Variants in STXBP5L observed in about 807,000 individuals in gnomAD.
STXBP5L encodes the protein syntaxin-binding protein 5-like.
STXBP5L carries 65 observed loss-of-function variants against 144.5 expected under a neutral mutation model. That is an observed-to-expected ratio of 0.45 (90% confidence interval 0.37 to 0.55). STXBP5L has a LOEUF of 0.55. Ranked by LOEUF, STXBP5L falls within the 20% of genes least tolerant of loss-of-function variation. The probability of loss-of-function intolerance (pLI) is 0.00; values close to 1 mark genes in which losing one functional copy is unlikely to be tolerated. For missense variants in STXBP5L, 1,298 were observed against 1,405.5 expected, an observed-to-expected ratio of 0.92 and a Z score of 1.22; for synonymous variants, 505 against 469.6, an observed-to-expected ratio of 1.08 and a Z score of -0.97.
intron 19 of STXBP5L, among the ~76,000 whole-genome samples, chr3:121,290,516 G>A (rs338996): frequency 0.79 from 119,642 of 152,052 alleles, 47,292 homozygotes; most frequent in East Asian, 0.93. Flanking sequence ...AACTATTCCA[G>A]AAGATAGAGA....
chr3:121,086,812 A>G (rs1481968615), intron 5 of STXBP5L, among the ~76,000 whole-genome samples: 1 of 152,084 alleles, frequency 6.6e-6, no homozygotes, highest in Non-Finnish European at 1.5e-5. Flanking sequence ...CATGTAATCT[A>G]TCTGTATAAA....
chr3:121,340,304 T>C (rs2044661026), intron 20 of STXBP5L, among the ~76,000 whole-genome samples: 1 of 152,052 alleles, frequency 6.6e-6, no homozygotes, highest in Admixed American at 6.6e-5. Flanking sequence ...GGAATATTAT[T>C]TTTTTCAAGG....
At chr3:120,979,681 G>A (rs1481552756) in intron 3 of STXBP5L, among the ~76,000 whole-genome samples, 1 of 152,100 alleles carries the variant, frequency 6.6e-6, no homozygotes. Context: ...TTCATATTTG[G>A]CCATCTTGAC....
chr3:121,070,125 T>C (rs1408420658), intron 5 of STXBP5L, among the ~76,000 whole-genome samples: 2 of 152,254 alleles, frequency 1.3e-5, no homozygotes, highest in Non-Finnish European at 2.9e-5. Flanking sequence ...GATCACCGGC[T>C]CAGCCGGACA....
At chr3:121,056,946 AT>A (rs1948502982) in intron 5 of STXBP5L, among the ~76,000 whole-genome samples, 2 of 150,752 alleles carry the variant, frequency 1.3e-5, no homozygotes, top group African/African-American at 4.8e-5. Context: ...TCTTTATAAT[AT>A]ATTATAAAGA....
chr3:121,081,313 T>C lies in STXBP5L; in HGVS notation c.471-33612T>C, dbSNP rs545335670. Among the ~76,000 whole-genome samples, 17 of 152,330 alleles carry C rather than the reference T, an allele frequency of 1.1e-4. No individual in the cohort carries two copies. In the South Asian group the frequency reaches 3.5e-3, roughly 32 times the overall value. The stretch of plus-strand genomic sequence containing the variant: ...TACCTTCCTCTGGTATTTCCTTGGG[T>C]AAACTATTTCTTCAAATTGTTCTTG... On this transcript the variant is annotated intron_variant, in intron 5 of 26. Coordinates refer to ENST00000471454, the MANE Select transcript of STXBP5L (RefSeq NM_001308330.2).
intron 3 of STXBP5L, among the ~76,000 whole-genome samples, chr3:120,974,149 G>A (rs1348139591): frequency 6.6e-6 from 1 of 152,102 alleles, no homozygotes; most frequent in East Asian, 1.9e-4. Context: ...CTAGTTTACA[G>A]TCCCACCAAC....
At chr3:121,319,227 A>G (rs1257971159) in intron 20 of STXBP5L, among the ~76,000 whole-genome samples, 1 of 152,146 alleles carries the variant, frequency 6.6e-6, no homozygotes, top group Non-Finnish European at 1.5e-5. Context: ...TTTAAACACC[A>G]AAATCATTAG....
At chr3:121,066,362 GTATA>G (rs35546907) in intron 5 of STXBP5L, among the ~76,000 whole-genome samples, 166 of 146,128 alleles carry the variant, frequency 1.1e-3, no homozygotes, top group African/African-American at 3.5e-3. Context: ...TCCTATAAGC[GTATA>G]TATATATATA....
At chr3:121,377,128 G>C (rs1198605333) in intron 20 of STXBP5L, among the ~76,000 whole-genome samples, 1 of 152,124 alleles carries the variant, frequency 6.6e-6, no homozygotes, top group Non-Finnish European at 1.5e-5. Flanking sequence ...GAGATTTTGG[G>C]CTGAGACCAT....
intron 20 of STXBP5L, among the ~76,000 whole-genome samples, chr3:121,356,163 G>T (rs993079118): frequency 6.6e-6 from 1 of 152,252 alleles, no homozygotes; most frequent in Non-Finnish European, 1.5e-5. Context: ...ACACACTTAG[G>T]AGGCAGCCTG....
chr3:121,331,105 G>A (rs2044307858), intron 20 of STXBP5L, among the ~76,000 whole-genome samples: 1 of 152,192 alleles, frequency 6.6e-6, no homozygotes, highest in South Asian at 2.1e-4. Flanking sequence ...TAGGGGAAGA[G>A]GGAGTGCACA....
chr3:121,090,738 C>G (rs2042739028), intron 5 of STXBP5L, among the ~76,000 whole-genome samples: 1 of 151,550 alleles, frequency 6.6e-6, no homozygotes, highest in Admixed American at 6.6e-5. Flanking sequence ...TTCATGGGGA[C>G]ACAATTAGTG....
Position 121,267,211 on chromosome 3 carries a change from A to G in STXBP5L, c.1958+8043A>G, listed in dbSNP as rs573304070. Among the ~76,000 whole-genome samples, 35 of 152,336 alleles carry G rather than the reference A, an allele frequency of 2.3e-4. No individual in the cohort carries two copies. In the East Asian group the frequency reaches 6.6e-3, roughly 29 times the overall value. On this transcript the variant is annotated intron_variant, in intron 18 of 26. Coordinates refer to ENST00000471454, the MANE Select transcript of STXBP5L (RefSeq NM_001308330.2). ...CAGCATAATACTGGTACTAAAACAG[A>G]TATATAGACCAATGGAACAGAACCA...
chr3:121,312,990 G>C (rs1429771820), intron 19 of STXBP5L, among the ~76,000 whole-genome samples: 1 of 152,176 alleles, frequency 6.6e-6, no homozygotes, highest in African/African-American at 2.4e-5. Flanking sequence ...CCTCCCAGAC[G>C]GGGTCATGGC....
chr3:121,330,457 C>T (rs891538670), intron 20 of STXBP5L, among the ~76,000 whole-genome samples: 1 of 152,200 alleles, frequency 6.6e-6, no homozygotes, highest in Non-Finnish European at 1.5e-5. Context: ...GACCCAGCCA[C>T]CACCTGGCTT....
At chr3:121,164,584 T>C (rs1216279461) in intron 9 of STXBP5L, among the ~76,000 whole-genome samples, 2 of 152,218 alleles carry the variant, frequency 1.3e-5, no homozygotes, top group African/African-American at 2.4e-5. Context: ...TAAAGTTATC[T>C]GCACTCCCAT....
At chr3:121,241,874 A>G (rs1249635471) in intron 14 of STXBP5L, among the ~76,000 whole-genome samples, 1 of 152,200 alleles carries the variant, frequency 6.6e-6, no homozygotes, top group Non-Finnish European at 1.5e-5. Context: ...TGAAAGAAAA[A>G]AAATCTGGAA....
intron 5 of STXBP5L, among the ~76,000 whole-genome samples, chr3:121,101,351 C>G (rs1186168353): frequency 6.7e-6 from 1 of 148,892 alleles, no homozygotes; most frequent in Non-Finnish European, 1.5e-5. Flanking sequence ...CAGCAGAATA[C>G]TAAGAAAAAG....
Sources: gnomAD v4.1 joint callset for allele counts (sites outside exome capture counted in the v4.1 genomes callset) on GRCh38, gnomAD v4.1.1 for gene constraint, MANE v1.5 for transcripts, NCBI Gene and HGNC (gene_info 2026-07-23, HGNC 2026-07-21) for gene names.